PDE3B: variants seen among roughly 807,000 people sequenced by gnomAD.
PDE3B encodes phosphodiesterase 3B.
A neutral mutation model predicts 116.8 loss-of-function variants in PDE3B; 66 were observed. That is an observed-to-expected ratio of 0.56 (90% confidence interval 0.46 to 0.69). The LOEUF (loss-of-function observed/expected upper bound fraction) is 0.69. PDE3B is among the 30% of genes least tolerant of loss of function. The probability of loss-of-function intolerance (pLI) is 0.00; values close to 1 mark genes in which losing one functional copy is unlikely to be tolerated. For missense variants in PDE3B, 1,384 were observed against 1,368.1 expected, an observed-to-expected ratio of 1.01 and a Z score of -0.18; for synonymous variants, 595 against 533.6, an observed-to-expected ratio of 1.12 and a Z score of -1.59.
intron 1 of PDE3B, among the ~76,000 whole-genome samples, chr11:14,721,054 C>T (rs1215172343): frequency 4.3e-5 from 6 of 139,406 alleles, no homozygotes; most frequent in Non-Finnish European, 9.3e-5. Context: ...CCAGAATCTA[C>T]AATGAACTCA....
At chr11:14,804,995 C>A (rs1185018106) in intron 5 of PDE3B, among the ~76,000 whole-genome samples, 1 of 151,940 alleles carries the variant, frequency 6.6e-6, no homozygotes, top group Admixed American at 6.5e-5. Flanking sequence ...AGGAAAAATA[C>A]ATAAATAACA....
At chr11:14,739,816 G>T (rs537180872) in intron 1 of PDE3B, among the ~76,000 whole-genome samples, 7 of 152,200 alleles carry the variant, frequency 4.6e-5, no homozygotes, top group African/African-American at 1.4e-4. Context: ...GCATGAAGGG[G>T]TGTTGAATTT....
the PDE3B span, chr11:14,877,924 C>T: frequency 1.6e-5 from 9 of 580,214 alleles, no homozygotes; most frequent in South Asian, 2.2e-4. Context: ...GAGAATTTTA[C>T]CCCAGAAGTC....
intron 4 of PDE3B, among the ~76,000 whole-genome samples, chr11:14,793,568 T>C (rs1858456864): frequency 6.6e-6 from 1 of 152,116 alleles, no homozygotes; most frequent in Non-Finnish European, 1.5e-5. Context: ...AACTGCTATT[T>C]TTGAACTGAG....
At chr11:14,835,943 A>G (rs1297814696) in intron 11 of PDE3B, among the ~76,000 whole-genome samples, 1 of 152,256 alleles carries the variant, frequency 6.6e-6, no homozygotes, top group Non-Finnish European at 1.5e-5. Flanking sequence ...ATATCAAGAC[A>G]GAATTTGCTC....
At chr11:14,776,425 C>G (rs1225556288) in intron 2 of PDE3B, 2 of 152,364 alleles carry the variant, frequency 1.3e-5, no homozygotes, top group South Asian at 4.1e-4. Context: ...ACTCCTTTCT[C>G]TCCCCTAAAG....
intron 1 of PDE3B, among the ~76,000 whole-genome samples, chr11:14,688,736 A>G (rs764717367): frequency 2.0e-5 from 3 of 152,090 alleles, no homozygotes; most frequent in East Asian, 1.9e-4. Flanking sequence ...AGCTAGATCT[A>G]TGTGGCTCAT....
intron 1 of PDE3B, among the ~76,000 whole-genome samples, chr11:14,694,536 A>AT (rs1215294550): frequency 1.3e-5 from 2 of 152,184 alleles, no homozygotes; most frequent in Admixed American, 6.6e-5. Context: ...GATCATTAAC[A>AT]TTTTTTAGCA....
chr11:14,807,195 G>A (rs539729385), intron 5 of PDE3B, among the ~76,000 whole-genome samples: 2 of 152,126 alleles, frequency 1.3e-5, no homozygotes, highest in Admixed American at 6.5e-5. Flanking sequence ...ACCATGGCAC[G>A]TGTATACCTA....
intron 5 of PDE3B, among the ~76,000 whole-genome samples, chr11:14,815,803 G>GA (rs540261123): frequency 3.6e-4 from 55 of 151,586 alleles, no homozygotes; most frequent in Middle Eastern, 3.4e-3. Flanking sequence ...GAGGATTTCA[G>GA]AAAAAAAACT....
At chr11:14,775,217 ATG>A (rs1241043320) in intron 2 of PDE3B, 4 of 152,212 alleles carry the variant, frequency 2.6e-5, no homozygotes, top group Non-Finnish European at 5.9e-5. Flanking sequence ...TGGTCCCAAC[ATG>A]TCTTTCCAAC....
intron 2 of PDE3B, among the ~76,000 whole-genome samples, chr11:14,784,118 T>A (rs1858121634): frequency 6.6e-6 from 1 of 152,194 alleles, no homozygotes. Context: ...TGAAACCATC[T>A]CCTCGCACCC....
At chr11:14,683,761 A>G (rs193222470) in intron 1 of PDE3B, among the ~76,000 whole-genome samples, 14 of 151,978 alleles carry the variant, frequency 9.2e-5, no homozygotes, top group South Asian at 2.1e-4. Context: ...AAAAGCTTAG[A>G]TGATTGATTT....
At chr11:14,718,555 A>T (rs1250838989) in intron 1 of PDE3B, among the ~76,000 whole-genome samples, 2 of 149,920 alleles carry the variant, frequency 1.3e-5, no homozygotes, top group Non-Finnish European at 3.0e-5. Flanking sequence ...AAAGAACAGA[A>T]ATTATAGCAA....
chr11:14,867,372 A>G, intron 14 of PDE3B, 134 bp from the exon 15 acceptor site: 1 of 696,196 alleles, frequency 1.4e-6, no homozygotes, highest in Non-Finnish European at 2.3e-6. Flanking sequence ...GAAATGATAG[A>G]TTGATGCTTA....
chr11:14,790,866 ATGAAACATTT>A (rs1858361114), intron 4 of PDE3B, among the ~76,000 whole-genome samples: 1 of 152,082 alleles, frequency 6.6e-6, no homozygotes, highest in African/African-American at 2.4e-5. Flanking sequence ...ATGGGAATAT[ATGAAACATTT>A]ACAACCACTA....
At chr11:14,890,659 G>A in the PDE3B span, 1 of 218,552 alleles carries the variant, frequency 4.6e-6, no homozygotes, top group African/African-American at 2.5e-5. Flanking sequence ...CCATTCTCCT[G>A]CCTCAGCCTC....
downstream of PDE3B, among the ~76,000 whole-genome samples, chr11:14,876,165 T>C (rs782566467): frequency 7.2e-5 from 11 of 152,080 alleles, no homozygotes; most frequent in Non-Finnish European, 1.0e-4. Context: ...ATGAGAGATT[T>C]GCTGTATCAA....
chr11:14,832,962 T>C (rs1590180477), intron 10 of PDE3B, 129 bp downstream of exon 10: 1 of 509,792 alleles, frequency 2.0e-6, no homozygotes, highest in Admixed American at 4.1e-5. Context: ...TTTTTTTTTT[T>C]TCTTGAGACA....
Sources: gnomAD v4.1 joint callset for allele counts (sites outside exome capture counted in the v4.1 genomes callset) on GRCh38, gnomAD v4.1.1 for gene constraint, MANE v1.5 for transcripts, NCBI Gene and HGNC (gene_info 2026-07-23, HGNC 2026-07-21) for gene names.